The following CACNB2 variants were observed in gnomAD, a reference collection of about 807,000 sequenced individuals.
CACNB2 encodes the protein voltage-dependent L-type calcium channel subunit beta-2.
A neutral mutation model predicts 73.3 loss-of-function variants in CACNB2; 42 were observed. That is an observed-to-expected ratio of 0.57 (90% CI 0.45 to 0.74). The LOEUF is 0.74. CACNB2 is among the 30% of genes least tolerant of loss of function. The pLI, the probability that CACNB2 is intolerant of heterozygous loss-of-function variation, is 0.00. For missense variants in CACNB2, 940 were observed against 853.0 expected, an observed-to-expected ratio of 1.10 and a Z score of -1.27; for synonymous variants, 348 against 310.3, an observed-to-expected ratio of 1.12 and a Z score of -1.28.
intron 3 of CACNB2, among the ~76,000 whole-genome samples, chr10:18,462,757 A>T (rs2047650923): frequency 6.7e-6 from 1 of 149,376 alleles, no homozygotes; most frequent in African/African-American, 2.5e-5. Context: ...TTTATTTTTT[A>T]TTTTTATTTA....
chr10:18,529,331 T>C (rs1363756809), intron 10 of CACNB2, among the ~76,000 whole-genome samples: 1 of 152,120 alleles, frequency 6.6e-6, no homozygotes, highest in African/African-American at 2.4e-5. Flanking sequence ...ATACCAAATA[T>C]CATGTGGAAG....
intron 2 of CACNB2, among the ~76,000 whole-genome samples, chr10:18,369,053 G>C (rs1420943030): frequency 1.3e-5 from 2 of 152,046 alleles, no homozygotes; most frequent in African/African-American, 4.8e-5. Flanking sequence ...CTTTTGTTAA[G>C]TATTCAAATG....
chr10:18,333,693 C>T (rs1589066135), intron 2 of CACNB2, among the ~76,000 whole-genome samples: 1 of 152,174 alleles, frequency 6.6e-6, no homozygotes, highest in Admixed American at 6.5e-5. Context: ...CATAATTATC[C>T]ATATTTGTAC....
chr10:18,376,042 C>G (rs997065812), intron 2 of CACNB2, among the ~76,000 whole-genome samples: 1 of 152,198 alleles, frequency 6.6e-6, no homozygotes. Context: ...TATTTGCACT[C>G]CCATGTTTAT....
At chr10:18,356,442 A>T (rs985996983) in intron 2 of CACNB2, among the ~76,000 whole-genome samples, 1 of 151,882 alleles carries the variant, frequency 6.6e-6, no homozygotes, top group Non-Finnish European at 1.5e-5. Flanking sequence ...TATTATTTTA[A>T]ACCTGGAATA....
chr10:18,481,747 C>G (rs1180917052), intron 3 of CACNB2, among the ~76,000 whole-genome samples: 1 of 152,144 alleles, frequency 6.6e-6, no homozygotes. Context: ...TATATAAGCT[C>G]AGTGCCTCAG....
At chr10:18,304,810 A>C (rs2039665152) in intron 2 of CACNB2, among the ~76,000 whole-genome samples, 1 of 152,224 alleles carries the variant, frequency 6.6e-6, no homozygotes. Flanking sequence ...TTAAATAAGC[A>C]TGAAGAAATC....
chr10:18,178,964 A>G (rs1588630770), intron 2 of CACNB2, among the ~76,000 whole-genome samples: 1 of 152,196 alleles, frequency 6.6e-6, no homozygotes, highest in Non-Finnish European at 1.5e-5. Context: ...AGTTGGGTCT[A>G]TAGAAAGCAC....
At chr10:18,520,157 A>G (rs1306930452) in intron 9 of CACNB2, 1 of 176,966 alleles carries the variant, frequency 5.7e-6, no homozygotes, top group Non-Finnish European at 1.2e-5. Context: ...AGACCCATGT[A>G]TACAATTGCC....
In CACNB2 at chr10:18,538,176, G is replaced by A. The variant is rs765944934; in HGVS notation, c.1303-4G>A. On this transcript the variant is annotated splice_polypyrimidine_tract_variant and splice_region_variant and intron_variant, in intron 12 of 13. Transcript: ENST00000324631. ...AATGTGGTCTGGAATGTCTGCCTCT[G>A]CAGGAGCTGTTCGATGTGATCTTGG... 65 of 1,614,122 alleles carry A rather than the reference G, an allele frequency of 4.0e-5. No individual in the cohort carries two copies. Among genetic ancestry groups the A allele is most frequent in the East Asian group, 2.2e-5 (1 of 44,870 alleles).
chr10:18,340,414 G>A (rs1045218186), intron 2 of CACNB2, among the ~76,000 whole-genome samples: 1 of 152,180 alleles, frequency 6.6e-6, no homozygotes, highest in African/African-American at 2.4e-5. Flanking sequence ...TTCAGTGGGT[G>A]GGAGTAGAAA....
At chr10:18,531,977 T>C (rs1028222221) in intron 10 of CACNB2, 1 of 152,234 alleles carries the variant, frequency 6.6e-6, no homozygotes, top group Non-Finnish European at 1.5e-5. Context: ...AAGAATCAAA[T>C]TGACTTTCAG....
Position 18,171,521 on chromosome 10 carries a change from G to GAAAAAAAAAAAAAAAA in CACNB2, c.213+20559_213+20574dup, listed in dbSNP as rs370201485. Among the ~76,000 whole-genome samples, 64 of 32,600 alleles carry GAAAAAAAAAAAAAAAA rather than the reference G, an allele frequency of 2.0e-3. 19 individuals are homozygous for GAAAAAAAAAAAAAAAA. Among genetic ancestry groups the GAAAAAAAAAAAAAAAA allele is most frequent in the Non-Finnish European group, 2.4e-3 (42 of 17,508 alleles). The allele number at this position is 32,600 out of a possible 152,430, so 21.4% of individuals were successfully genotyped here. A position where few individuals can be genotyped will look rare whatever the true frequency, so the allele number is the denominator to read the frequency against. On this transcript the variant is annotated intron_variant, in intron 2 of 13. Transcript: ENST00000324631. ...TCCCTTCTTCCCGGCTTTGATAGCA[G>GAAAAAAAAAAAAAAAA]AAAAAAAAAAAAAAAAAAAAAAAAA...
chr10:18,295,826 A>T (rs1471600700), intron 2 of CACNB2, among the ~76,000 whole-genome samples: 1 of 152,162 alleles, frequency 6.6e-6, no homozygotes, highest in Non-Finnish European at 1.5e-5. Context: ...TAAAAGACTA[A>T]CAATGACAAT....
At chr10:18,504,251 T>C (rs1186937296) in intron 5 of CACNB2, among the ~76,000 whole-genome samples, 1 of 152,186 alleles carries the variant, frequency 6.6e-6, no homozygotes, top group Non-Finnish European at 1.5e-5. Flanking sequence ...GTTAGGGAAC[T>C]TGATCGAGGT....
intron 2 of CACNB2, among the ~76,000 whole-genome samples, chr10:18,305,391 A>G (rs940403434): frequency 2.0e-5 from 3 of 152,258 alleles, no homozygotes; most frequent in African/African-American, 7.2e-5. Context: ...ATAAGGTAAA[A>G]CATGTAACTG....
At chr10:18,150,225 A>G (rs1164134484) in intron 1 of CACNB2, among the ~76,000 whole-genome samples, 8 of 152,236 alleles carry the variant, frequency 5.3e-5, no homozygotes, top group African/African-American at 1.9e-4. Flanking sequence ...TATTATCGAA[A>G]CAAATCATCT....
intron 3 of CACNB2, among the ~76,000 whole-genome samples, chr10:18,487,008 C>T (rs1344464371): frequency 6.6e-6 from 1 of 152,182 alleles, no homozygotes; most frequent in Non-Finnish European, 1.5e-5. Flanking sequence ...CATCTGGTTT[C>T]ATGGTGAAAC....
At position 18,419,125 on chromosome 10, in the gene CACNB2, A is replaced by G. The variant is rs1013214261; in HGVS notation, c.333+17082A>G. On this transcript the variant is annotated intron_variant, in intron 3 of 13. Coordinates refer to ENST00000324631, the MANE Select transcript of CACNB2 (RefSeq NM_201596.3). Reference sequence around the variant, plus strand: ...TGTGACAATCTAAAGCTCTTTGGCTATGACAGAACAAGGAAAGTTACCGTG... The same window carrying G: ...TGTGACAATCTAAAGCTCTTTGGCTGTGACAGAACAAGGAAAGTTACCGTG... Among the ~76,000 whole-genome samples, 4 of 152,234 alleles carry G rather than the reference A, an allele frequency of 2.6e-5. 1 individual carries two copies. The East Asian group carries it at 7.7e-4, about 29-fold the overall frequency.
Sources: gnomAD v4.1 joint callset for allele counts (sites outside exome capture counted in the v4.1 genomes callset) on GRCh38, gnomAD v4.1.1 for gene constraint, MANE v1.5 for transcripts, NCBI Gene and HGNC (gene_info 2026-07-23, HGNC 2026-07-21) for gene names.